The following PEX11A variants were observed in gnomAD, a reference collection of about 807,000 sequenced individuals.
PEX11A encodes the protein peroxisomal membrane protein 11A.
PEX11A carries 13 observed loss-of-function variants against 14.4 expected under a neutral mutation model. The ratio of observed to expected loss-of-function variants is 0.90; its 90% CI spans 0.59 to 1.43. The LOEUF is 1.43. Ranked by LOEUF, PEX11A falls within the 40% of genes most tolerant of loss-of-function variation. PEX11A has a pLI of 0.00. For missense variants in PEX11A, 290 were observed against 302.8 expected (o/e 0.96, Z 0.31); for synonymous variants, 101 against 113.0 (o/e 0.89, Z 0.67).
Position 89,683,296 on chromosome 15 carries a change from T to A in PEX11A, c.*81A>T. The A allele has an allele frequency of 1.1e-6, 1 of 944,478 alleles. No individual in the cohort carries two copies. The highest frequency in any genetic ancestry group is 1.6e-6 in the Non-Finnish European group (1 of 609,570). 58.5% of individuals were successfully genotyped at this position (944,478 alleles called of 1,614,324 possible). A position where few individuals can be genotyped will look rare whatever the true frequency, so the allele number is the denominator to read the frequency against. On this transcript the variant is annotated 3_prime_UTR_variant, in exon 3 of 3. Coordinates refer to ENST00000300056, the MANE Select transcript of PEX11A (RefSeq NM_003847.3). The stretch of plus-strand genomic sequence containing the variant: ...ACAAGAACTTAAGCACAGTATGACA[T>A]GGCCTGTGACTTATACAAATGTCTG...
chr15:89,685,203 C>CAATAAA (rs1964659736), intron 2 of PEX11A, among the ~76,000 whole-genome samples: 1 of 24,532 alleles, frequency 4.1e-5, no homozygotes, highest in Non-Finnish European at 7.3e-5. Context: ...GACTCCATCT[C>CAATAAA]AAAAAAAAAA....
At chr15:89,684,505 T>C (rs1964648953) in intron 2 of PEX11A, among the ~76,000 whole-genome samples, 2 of 152,252 alleles carry the variant, frequency 1.3e-5, no homozygotes, top group South Asian at 4.1e-4. Context: ...GAGAGTCTGA[T>C]GCCTTGCATT....
rs963132088 is a variant in PEX11A, at chr15:89,682,174, T to G, written c.*1203A>C. The G allele has an allele frequency of 2.0e-5, 3 of 152,304 alleles. No homozygotes were observed. The highest frequency in any genetic ancestry group is 4.4e-5 in the Non-Finnish European group (3 of 68,110). The allele number at this position is 152,304 out of a possible 1,614,324, so 9.4% of individuals were successfully genotyped here. On this transcript the variant is annotated 3_prime_UTR_variant, in exon 3 of 3. Transcript: ENST00000300056. ...AATAAAACAATCTAACTGATAAGTC[T>G]AAATACTGTCTTAATTTTTTTTTAA...
At chr15:89,687,427 T>C (rs946373382) in intron 1 of PEX11A, among the ~76,000 whole-genome samples, 7 of 152,238 alleles carry the variant, frequency 4.6e-5, no homozygotes, top group Admixed American at 3.3e-4. Flanking sequence ...AACTTATTCG[T>C]ATTTTACATA....
chr15:89,683,910 T>C lies in PEX11A; in HGVS notation c.211A>G (p.Thr71Ala). 6.2e-7 allele frequency: 1 copy of C among 1,614,016 alleles called. No individual in the cohort carries two copies. ...LGNVVHAIQA[T>A]EQSIHATDLV... Reference sequence around the variant, plus strand: ...TCAGTGGCATGAATGCTCTGCTCAGTTGCCTGTATAGCATGTACCACATTG... The same window carrying C: ...TCAGTGGCATGAATGCTCTGCTCAGCTGCCTGTATAGCATGTACCACATTG... Residue 71 changes from threonine to alanine, a missense_variant, in exon 3 of 3, where the codon ACT (threonine) becomes GCT (alanine). Thr to Ala is a moderately conservative substitution (Grantham distance 58, BLOSUM62 0). Transcript: ENST00000300056.
In PEX11A at chr15:89,683,316, TG is replaced by T; in HGVS notation, c.*60del. 8.9e-7 allele frequency: 1 copy of T among 1,120,456 alleles called. No homozygotes were observed. The highest frequency in any genetic ancestry group is 1.6e-5 in the African/African-American group (1 of 64,122). 69.4% of individuals were successfully genotyped at this position (1,120,456 alleles called of 1,614,324 possible). The stretch of plus-strand genomic sequence containing the variant: ...TGACATGGCCTGTGACTTATACAAA[TG>T]TCTGTCCCACCAAGAGGCCATCTTT... On this transcript the variant is annotated 3_prime_UTR_variant, in exon 3 of 3. Transcript: ENST00000300056.
intron 1 of PEX11A, chr15:89,688,218 A>C (rs1384044351): frequency 5.6e-6 from 3 of 534,360 alleles, no homozygotes; most frequent in Admixed American, 3.8e-5. Context: ...CACTTCTTAC[A>C]GTCTGACAGG....
Position 89,687,756 on chromosome 15 carries a change from C to G in PEX11A, c.57-1210G>C, listed in dbSNP as rs78892990. ...CTGGAATCATAAACAATCGCTTTCT[C>G]TTTTTTAAGTGTCCTTCCTGGTTAC... On this transcript the variant is annotated intron_variant, in intron 1 of 2. Transcript: ENST00000300056. Among the ~76,000 whole-genome samples the G allele has an allele frequency of 4.6e-3, 688 of 151,056 alleles. 5 individuals are homozygous for G. Among genetic ancestry groups the G allele is most frequent in the African/African-American group, 0.016 (647 of 40,448 alleles).
chr15:89,684,917 C>T (rs564371909), intron 2 of PEX11A, among the ~76,000 whole-genome samples: 141 of 152,190 alleles, frequency 9.3e-4, no homozygotes, highest in African/African-American at 3.1e-3. Context: ...GGGCTGGGCG[C>T]GGTGGCTTAC....
At chr15:89,688,306 G>A (rs1567085856) in intron 1 of PEX11A, 1 of 448,712 alleles carries the variant, frequency 2.2e-6, no homozygotes, top group Admixed American at 2.4e-5. Flanking sequence ...TGCCAGTGTG[G>A]TCATAAAGGT....
chr15:89,683,593 C>T lies in PEX11A; in HGVS notation c.528G>A (p.Trp176Ter). 6.2e-7 allele frequency: 1 copy of T among 1,614,082 alleles called. No individual in the cohort carries two copies. The highest frequency in any genetic ancestry group is 1.3e-5 in the African/African-American group (1 of 75,034). Reference protein sequence around the residue: ...WFSVAEEETEWLQSFLLLLFR... With the variant: ...WFSVAEEETE ...ATAAAAGAAGTAGAAAGGATTGGAG[C>T]CATTCTGTTTCCTCCTCAGCCACGC... The change falls in exon 3 of 3, where the codon TGG (tryptophan) becomes TGA (stop). Residue 176 changes from tryptophan to a stop codon, truncating the protein, a stop_gained. Transcript: ENST00000300056. LOFTEE classifies it high-confidence loss of function.
In PEX11A at chr15:89,683,540, A is replaced by C. The variant is rs1964628494; in HGVS notation, c.581T>G (p.Leu194Trp). ...AAGGTTCTTCACTGTGTCCAGGAGCAAGGGAGGATGCTGCTTCAGAGATCG... is the reference window on the plus strand; with the variant it reads ...AAGGTTCTTCACTGTGTCCAGGAGCCAGGGAGGATGCTGCTTCAGAGATCG... ...LFRSLKQHPP[L>W]LLDTVKNLCD... The change falls in exon 3 of 3, where the codon TTG (leucine) becomes TGG (tryptophan). Residue 194 changes from leucine to tryptophan, a missense_variant. Coordinates refer to ENST00000300056, the MANE Select transcript of PEX11A (RefSeq NM_003847.3). 1 of 1,614,110 alleles carries C rather than the reference A, an allele frequency of 6.2e-7. No homozygotes were observed. The highest frequency in any genetic ancestry group is 8.5e-7 in the Non-Finnish European group (1 of 1,180,030).
chr15:89,683,984 C>G (rs771689674), intron 2 of PEX11A, 36 bp from the exon 3 acceptor site: 12 of 1,389,914 alleles, frequency 8.6e-6, no homozygotes, highest in Non-Finnish European at 1.2e-5. Flanking sequence ...ACAGTTATTT[C>G]ATTAGTACAC....
rs1964636549 is a variant in PEX11A at position 89,683,833 on chromosome 15, A to G, written c.288T>C (p.Tyr96=). 3 of 1,614,148 alleles carry G rather than the reference A, an allele frequency of 1.9e-6. No individual in the cohort carries two copies. The highest frequency in any genetic ancestry group is 1.7e-6 in the Non-Finnish European group (2 of 1,179,968). Residue 96 remains tyrosine (Y), a synonymous_variant, in exon 3 of 3, where the codon TAT becomes TAC. Transcript: ENST00000300056. The part of the protein sequence containing the change: ...LTLANLNRVI[Y]FICDTILWVR... ...CCCAGAGGATGGTGTCACAGATGAAATAAATCACACGGTTCAGGTTGGCTA... is the reference window on the plus strand; with the variant it reads ...CCCAGAGGATGGTGTCACAGATGAAGTAAATCACACGGTTCAGGTTGGCTA...
Position 89,690,754 on chromosome 15 carries a change from C to T in PEX11A, c.-122G>A. 3.2e-6 allele frequency: 2 copies of T among 633,832 alleles called. No homozygotes were observed. The highest frequency in any genetic ancestry group is 4.0e-5 in the South Asian group (2 of 50,346). 39.3% of individuals were successfully genotyped at this position (633,832 alleles called of 1,614,324 possible). ...GCTGAGGGGGAGGGGCTGAGTCTCT[C>T]CGCCCCAGAGGGGGCGGGCACACTT... On this transcript the variant is annotated 5_prime_UTR_variant, in exon 1 of 3. Coordinates refer to ENST00000300056, the MANE Select transcript of PEX11A (RefSeq NM_003847.3).
At chr15:89,684,032 C>T in intron 2 of PEX11A, 84 bp from the exon 3 acceptor site, 2 of 1,037,114 alleles carry the variant, frequency 1.9e-6, no homozygotes, top group South Asian at 3.1e-5. Context: ...GGTGAGGAGC[C>T]AGCTTTTTGT....
At chr15:89,686,098 C>T (rs749228293) in intron 2 of PEX11A, among the ~76,000 whole-genome samples, 10 of 152,202 alleles carry the variant, frequency 6.6e-5, no homozygotes, top group Non-Finnish European at 1.5e-4. Context: ...AATAAAGGGG[C>T]TCACAGGAGC....
At position 89,687,757 on chromosome 15, in the gene PEX11A, T is replaced by TAA. The variant is rs1474002460; in HGVS notation, c.57-1212_57-1211insTT. On this transcript the variant is annotated intron_variant, in intron 1 of 2. Transcript: ENST00000300056. ...TGGAATCATAAACAATCGCTTTCTC[T>TAA]TTTTTAAGTGTCCTTCCTGGTTACA... Among the ~76,000 whole-genome samples, 609 of 152,338 alleles carry TAA rather than the reference T, an allele frequency of 4.0e-3. 2 individuals carry two copies. Among genetic ancestry groups the TAA allele is most frequent in the African/African-American group, 0.014 (565 of 41,566 alleles).
intron 1 of PEX11A, among the ~76,000 whole-genome samples, chr15:89,687,174 C>G (rs760960005): frequency 8.5e-5 from 13 of 152,088 alleles, no homozygotes; most frequent in Admixed American, 2.6e-4. Flanking sequence ...CTGCCCTACT[C>G]AACCTCCCAA....
Sources: allele counts gnomAD v4.1 joint callset (sites outside exome capture counted in the v4.1 genomes callset), GRCh38; gene constraint gnomAD v4.1.1; transcripts MANE v1.5; gene names NCBI Gene and HGNC (gene_info 2026-07-23, HGNC 2026-07-21).